The following XKR7 variants were observed in gnomAD, a reference collection of about 807,000 sequenced individuals.
The protein encoded by XKR7 is XK related 7.
In XKR7, 11 loss-of-function variants were observed where a neutral mutation model predicts 42.2. The ratio of observed to expected loss-of-function variants is 0.26; its 90% confidence interval spans 0.16 to 0.43. The LOEUF is 0.43. Among genes scored for constraint, XKR7 ranks in the 20% least tolerant of loss-of-function variants. XKR7 has a pLI of 1.00. For missense variants in XKR7, 710 were observed against 802.2 expected, an observed-to-expected ratio of 0.89 and a Z score of 1.39; for synonymous variants, 346 against 366.4, an observed-to-expected ratio of 0.94 and a Z score of 0.64.
rs1387091268 is a variant in XKR7, at chr20:31,995,215, A to G, written c.732A>G (p.Leu244=). Residue 244 remains leucine, a synonymous_variant, in exon 2 of 3, where the codon CTA becomes CTG. Transcript: ENST00000562532. This position sits in a 1 kb window ranked among gnomAD's most constrained non-coding sequence, Gnocchi z 4.1. ...LETFLRSAPQ[L]VLQLSLLVHR... ...CCTTCCTGCGCAGCGCGCCGCAGCT[A>G]GTGCTGCAGCTCAGCCTGCTGGTGC... 1.9e-6 allele frequency: 3 copies of G among 1,545,356 alleles called. No individual in the cohort carries two copies. The highest frequency in any genetic ancestry group is 2.4e-5 in the South Asian group (2 of 83,942).
Position 32,002,092 on chromosome 20 carries a change from G to GA in XKR7, c.*4640dup, listed in dbSNP as rs937983287. The GA allele has an allele frequency of 3.2e-4, 49 of 152,394 alleles. No individual in the cohort carries two copies. The highest frequency in any genetic ancestry group is 1.1e-3 in the African/African-American group (45 of 41,540). The allele number at this position is 152,394 out of a possible 1,614,324, so 9.4% of individuals were successfully genotyped here. A position where few individuals can be genotyped will look rare whatever the true frequency, so the allele number is the denominator to read the frequency against. ...CTGCTGCCGGTAGAGGTATGGGGAG[G>GA]AAAAACTCTAGAGTGGGAGATGTGG... On this transcript the variant is annotated 3_prime_UTR_variant, in exon 3 of 3. Coordinates refer to ENST00000562532, the MANE Select transcript of XKR7 (RefSeq NM_001011718.2).
rs955299609 is a variant in XKR7 at position 31,968,454 on chromosome 20, C to T, written c.279C>T (p.Thr93=). The stretch of plus-strand genomic sequence containing the variant: ...ATCAACACACCTACTTCAGCCTCAC[C>T]TTGCTGTTCGTGCTCCTGCCCTCGC... ...LQNQHTYFSL[T]LLFVLLPSLV... The change falls in exon 1 of 3, where the codon ACC becomes ACT. Residue 93 remains threonine (T), a synonymous_variant. Transcript: ENST00000562532. The surrounding 1 kb of genome is among the most constrained non-coding windows in gnomAD (Gnocchi z 4.5). 2.5e-6 allele frequency: 4 copies of T among 1,613,924 alleles called. No homozygotes were observed. The highest frequency in any genetic ancestry group is 2.7e-5 in the African/African-American group (2 of 74,936).
chr20:32,002,811 C>T lies in XKR7; in HGVS notation c.*5354C>T, dbSNP rs1205412181. The T allele has an allele frequency of 6.6e-6, 1 of 152,198 alleles. No individual in the cohort carries two copies. Among genetic ancestry groups the T allele is most frequent in the Non-Finnish European group, 1.5e-5 (1 of 68,042 alleles). 9.4% of individuals were successfully genotyped at this position (152,198 alleles called of 1,614,324 possible). A position where few individuals can be genotyped will look rare whatever the true frequency, so the allele number is the denominator to read the frequency against. ...TTGCTTAATACAAAATTCTCAAAAG[C>T]ACTTGTGGGCACTCATTCCTGCCTT... On this transcript the variant is annotated 3_prime_UTR_variant, in exon 3 of 3. Coordinates refer to ENST00000562532, the MANE Select transcript of XKR7 (RefSeq NM_001011718.2).
In XKR7 at chr20:31,996,977, A is replaced by G. The variant is rs553602699; in HGVS notation, c.1260A>G (p.Val420=). The G allele has an allele frequency of 6.2e-7, 1 of 1,614,152 alleles. No homozygotes were observed. The highest frequency in any genetic ancestry group is 1.7e-5 in the Admixed American group (1 of 60,030). ...TCTACTCGCTCATCATGGTCTGCGTAGTGGCCTCCAGCTTTGCGCTGGGCA... is the reference window on the plus strand; with the variant it reads ...TCTACTCGCTCATCATGGTCTGCGTGGTGGCCTCCAGCTTTGCGCTGGGCA... ...TDFYSLIMVC[V]VASSFALGIF... is the part of the protein sequence containing the mutation. Residue 420 remains valine (V), a synonymous_variant, in exon 3 of 3, where the codon GTA becomes GTG. Coordinates refer to ENST00000562532, the MANE Select transcript of XKR7 (RefSeq NM_001011718.2).
intron 1 of XKR7, among the ~76,000 whole-genome samples, chr20:31,990,647 T>A (rs1011292182): frequency 8.5e-5 from 13 of 152,362 alleles, no homozygotes; most frequent in Non-Finnish European, 8.8e-5. Context: ...AAACATCCCA[T>A]GTAAATTATA....
intron 1 of XKR7, among the ~76,000 whole-genome samples, chr20:31,978,894 G>A (rs974089837): frequency 6.6e-6 from 1 of 152,128 alleles, no homozygotes; most frequent in African/African-American, 2.4e-5. Context: ...CAGCACTTTG[G>A]GAGGCCGAGG....
chr20:31,996,580 G>A lies in XKR7; in HGVS notation c.863G>A (p.Arg288Gln). The change falls in exon 3 of 3, where the codon CGG becomes CAG. Residue 288 changes from arginine (R) to glutamine (Q), a missense_variant. Arg to Gln is a conservative substitution (Grantham distance 43). Around this residue, in one of 2 missense-constraint regions of XKR7, gnomAD observed 708 missense variants for 786.2 expected, o/e 0.90. Transcript: ENST00000562532. ...TACCAGAAGGTGCTGCGGGACTCGC[G>A]GGACGACAAGCGGCCGCTGTCCTAC... The part of the protein sequence containing the change: ...ASYQKVLRDS[R>Q]DDKRPLSYKG... 2 of 1,540,322 alleles carry A rather than the reference G, an allele frequency of 1.3e-6. No homozygotes were observed. The highest frequency in any genetic ancestry group is 2.3e-5 in the East Asian group (1 of 44,274).
At position 31,997,973 on chromosome 20, in the gene XKR7, ATC is replaced by A. The variant is rs1232968583; in HGVS notation, c.*518_*519del. 1 of 142,696 alleles carries A rather than the reference ATC, an allele frequency of 7.0e-6. No individual in the cohort carries two copies. The highest frequency in any genetic ancestry group is 1.5e-5 in the Non-Finnish European group (1 of 66,554). The allele number at this position is 142,696 out of a possible 1,614,324, so 8.8% of individuals were successfully genotyped here. A position where few individuals can be genotyped will look rare whatever the true frequency, so the allele number is the denominator to read the frequency against. ...ACAGGGATGGCGTGGCTCCTGTAGC[ATC>A]TGAGGCCTGGAGCCAGGGCAAGAGG... On this transcript the variant is annotated 3_prime_UTR_variant, in exon 3 of 3. Coordinates refer to ENST00000562532, the MANE Select transcript of XKR7 (RefSeq NM_001011718.2).
chr20:31,996,805 T>G lies in XKR7; in HGVS notation c.1088T>G (p.Val363Gly). ...SKWEEIIYNM[V>G]VGIIYIFCWF... is the part of the protein sequence containing the mutation. Reference sequence around the variant, plus strand: ...TGGGAGGAGATCATCTACAACATGGTCGTGGGCATCATCTACATCTTCTGC... The same window carrying G: ...TGGGAGGAGATCATCTACAACATGGGCGTGGGCATCATCTACATCTTCTGC... Residue 363 changes from valine (V) to glycine (G), a missense_variant, in exon 3 of 3, where the codon GTC (valine) becomes GGC (glycine). Coordinates refer to ENST00000562532, the MANE Select transcript of XKR7 (RefSeq NM_001011718.2). 1 of 1,613,802 alleles carries G rather than the reference T, an allele frequency of 6.2e-7. No homozygotes were observed. Among genetic ancestry groups the G allele is most frequent in the East Asian group, 2.2e-5 (1 of 44,848 alleles).
intron 1 of XKR7, among the ~76,000 whole-genome samples, chr20:31,983,921 C>A (rs1476398288): frequency 6.6e-6 from 1 of 151,012 alleles, no homozygotes; most frequent in African/African-American, 2.5e-5. Flanking sequence ...GCACTCCAGC[C>A]TGGGTGACAG....
chr20:31,997,472 G>A lies in XKR7; in HGVS notation c.*15G>A, dbSNP rs552618949. The stretch of plus-strand genomic sequence containing the variant: ...CCACAGTGTAGGCTACAGTGTCCCA[G>A]CACAAAAGGGACAGGCTTGGCTGAT... On this transcript the variant is annotated 3_prime_UTR_variant, in exon 3 of 3. Coordinates refer to ENST00000562532, the MANE Select transcript of XKR7 (RefSeq NM_001011718.2). The A allele has an allele frequency of 6.4e-7, 1 of 1,572,694 alleles. No individual in the cohort carries two copies. The highest frequency in any genetic ancestry group is 1.1e-5 in the South Asian group (1 of 87,580).
At position 32,002,504 on chromosome 20, in the gene XKR7, C is replaced by G. The variant is rs1049937146; in HGVS notation, c.*5047C>G. ...TGCTAAACCACCGAACTTGGAGGAGCCTCATATAAACATAGCCCCCAGCCC... is the reference window on the plus strand; with the variant it reads ...TGCTAAACCACCGAACTTGGAGGAGGCTCATATAAACATAGCCCCCAGCCC... On this transcript the variant is annotated 3_prime_UTR_variant, in exon 3 of 3. Coordinates refer to ENST00000562532, the MANE Select transcript of XKR7 (RefSeq NM_001011718.2). 5.3e-5 allele frequency: 8 copies of G among 152,168 alleles called. No homozygotes were observed. The highest frequency in any genetic ancestry group is 4.6e-4 in the Admixed American group (7 of 15,278). 9.4% of individuals were successfully genotyped at this position (152,168 alleles called of 1,614,324 possible).
At chr20:31,976,793 C>G (rs757278667) in intron 1 of XKR7, among the ~76,000 whole-genome samples, 5 of 152,196 alleles carry the variant, frequency 3.3e-5, no homozygotes, top group Admixed American at 6.5e-5. Context: ...TCCTTTTTAC[C>G]CCACAGCACT....
intron 1 of XKR7, among the ~76,000 whole-genome samples, chr20:31,984,388 C>T (rs896831449): frequency 2.0e-5 from 3 of 152,114 alleles, no homozygotes; most frequent in Non-Finnish European, 4.4e-5. Flanking sequence ...GGGAAGCTGC[C>T]GGAATGAGGT....
At chr20:31,991,125 C>T (rs1030544354) in intron 1 of XKR7, among the ~76,000 whole-genome samples, 9 of 152,160 alleles carry the variant, frequency 5.9e-5, no homozygotes, top group Admixed American at 2.6e-4. Context: ...GCAGGTGGCC[C>T]GTCAGGTAGT....
chr20:31,991,681 C>G (rs1178854777), intron 1 of XKR7, among the ~76,000 whole-genome samples: 1 of 152,200 alleles, frequency 6.6e-6, no homozygotes, highest in East Asian at 1.9e-4. Context: ...CATTAAAACC[C>G]CTTGTCCAGG....
At chr20:31,996,234 G>C (rs2064590588) in intron 2 of XKR7, among the ~76,000 whole-genome samples, 1 of 148,858 alleles carries the variant, frequency 6.7e-6, no homozygotes, top group African/African-American at 2.5e-5. Context: ...CCACACCAGA[G>C]TCCTAGATGG....
chr20:31,990,086 G>T (rs2064562844), intron 1 of XKR7, among the ~76,000 whole-genome samples: 1 of 152,176 alleles, frequency 6.6e-6, no homozygotes, highest in Non-Finnish European at 1.5e-5. Flanking sequence ...GAGGTTGCCT[G>T]GTGGTGAGGA....
At chr20:31,977,006 T>C (rs146553737) in intron 1 of XKR7, among the ~76,000 whole-genome samples, 1,580 of 152,346 alleles carry the variant, frequency 0.01, 11 homozygotes, top group Middle Eastern at 0.034. Flanking sequence ...ATGAAGCCAG[T>C]TGAAGCTGGC....
Sources: gnomAD v4.1 joint callset for allele counts (sites outside exome capture counted in the v4.1 genomes callset) on GRCh38, gnomAD v4.1.1 for gene constraint, gnomAD v4.1.1 regional missense constraint, Gnocchi (gnomAD v3.1) non-coding constraint, MANE v1.5 for transcripts, NCBI Gene and HGNC (gene_info 2026-07-23, HGNC 2026-07-21) for gene names.